The following APCDD1 variants were observed in gnomAD, a reference collection of about 807,000 sequenced individuals.
APCDD1 encodes APC down-regulated 1.
Under a neutral mutation model 38.1 loss-of-function variants are expected in APCDD1, and 15 were observed. The observed-to-expected ratio is 0.39, with a 90% CI of 0.26 to 0.61. The LOEUF (loss-of-function observed/expected upper bound fraction) is 0.61, where lower values mean the gene tolerates loss of function less well. APCDD1 is among the 20% of genes least tolerant of loss of function. The pLI is 0.49. For synonymous variants in APCDD1, 261 were observed against 279.7 expected (o/e 0.93, Z 0.67); for missense variants, 647 against 696.2 (o/e 0.93, Z 0.79).
In APCDD1 at chr18:10,461,343, A is replaced by G. The variant is rs535569062; in HGVS notation, c.58+6304A>G. The stretch of plus-strand genomic sequence containing the variant: ...ACTTTATTCTCTGACATTCATTTGG[A>G]AGAAACTACTCCCTTTGCCATAATA... On this transcript the variant is annotated intron_variant, in intron 1 of 4. Coordinates refer to ENST00000355285, the MANE Select transcript of APCDD1 (RefSeq NM_153000.5). Among the ~76,000 whole-genome samples, 240 of 152,316 alleles carry G rather than the reference A, an allele frequency of 1.6e-3. 10 individuals are homozygous for G. The South Asian group carries it at 0.047, about 30-fold the overall frequency.
chr18:10,479,687 T>C (rs369631476), intron 3 of APCDD1, among the ~76,000 whole-genome samples: 2 of 152,332 alleles, frequency 1.3e-5, no homozygotes, highest in African/African-American at 4.8e-5. Context: ...TCTGACTTTT[T>C]CTCTCCAGGT....
intron 4 of APCDD1, among the ~76,000 whole-genome samples, chr18:10,486,304 T>C (rs567126399): frequency 2.0e-5 from 3 of 152,190 alleles, no homozygotes; most frequent in Middle Eastern, 3.4e-3. Context: ...CAGTAAGATA[T>C]GATCATGCCA....
In APCDD1 at chr18:10,485,556, G is replaced by A; in HGVS notation, c.869G>A (p.Gly290Asp). ...ILPPKADLTI[G>D]LHGEWVSQRC... ...CCCCCAAAGGCAGACCTGACCATCG[G>A]CCTGCACGGGGAGTGGGTGAGCCAG... Residue 290 changes from glycine (G) to aspartate (D), a missense_variant, in exon 4 of 5, where the codon GGC (glycine) becomes GAC (aspartate). Coordinates refer to ENST00000355285, the MANE Select transcript of APCDD1 (RefSeq NM_153000.5). This position sits in a 1 kb window ranked among gnomAD's most constrained non-coding sequence, Gnocchi z 5.8. 6.2e-7 allele frequency: 1 copy of A among 1,614,116 alleles called. No individual in the cohort carries two copies. Among genetic ancestry groups the A allele is most frequent in the Non-Finnish European group, 8.5e-7 (1 of 1,180,036 alleles).
At chr18:10,468,404 G>A (rs2030767813) in intron 1 of APCDD1, 65 bp from the exon 2 acceptor site, 2 of 1,560,758 alleles carry the variant, frequency 1.3e-6, no homozygotes, top group Admixed American at 3.3e-5. Context: ...AGAGGTGGTT[G>A]TTTGGCCTGA....
chr18:10,489,913 C>T lies in APCDD1; in HGVS notation c.*1875C>T, dbSNP rs1438712365. Reference sequence around the variant, plus strand: ...CTCTCAGAAATACAACTGATACTATCTTTAAAAGACGTAATAAAATCATGT... The same window carrying T: ...CTCTCAGAAATACAACTGATACTATTTTTAAAAGACGTAATAAAATCATGT... On this transcript the variant is annotated 3_prime_UTR_variant, in exon 5 of 5. Transcript: ENST00000355285. 1 of 152,120 alleles carries T rather than the reference C, an allele frequency of 6.6e-6. No homozygotes were observed. Among genetic ancestry groups the T allele is most frequent in the Non-Finnish European group, 1.5e-5 (1 of 68,024 alleles). The allele number at this position is 152,120 out of a possible 1,614,324, so 9.4% of individuals were successfully genotyped here. A position where few individuals can be genotyped will look rare whatever the true frequency, so the allele number is the denominator to read the frequency against.
rs755453042 is a variant in APCDD1, at chr18:10,488,031, G to T, written c.1538G>T (p.Arg513Leu). ...CLVPLLHWNI[R>L]R The stretch of plus-strand genomic sequence containing the variant: ...GTCCCTCTGCTGCATTGGAACATCC[G>T]CAGATAGAAGTTTTAGAAAGTTCTA... The change falls in exon 5 of 5, where the codon CGC (arginine) becomes CTC (leucine). Residue 513 changes from arginine to leucine, a missense_variant. By Grantham distance (102) the Arg-to-Leu change is moderately radical. Transcript: ENST00000355285. 3 of 1,613,602 alleles carry T rather than the reference G, an allele frequency of 1.9e-6. No individual in the cohort carries two copies. Among genetic ancestry groups the T allele is most frequent in the Non-Finnish European group, 1.7e-6 (2 of 1,180,038 alleles).
In APCDD1 at chr18:10,471,859, G is replaced by A. The variant is rs114674646; in HGVS notation, c.572G>A (p.Arg191Gln). 6 of 1,614,200 alleles carry A rather than the reference G, an allele frequency of 3.7e-6. No homozygotes were observed. The African/African-American group carries it at 6.7e-5, about 18-fold the overall frequency. ...WVQDVAYDLW[R>Q]EENGCECTKA... ...CAGGACGTGGCCTATGACCTCTGGC[G>A]AGAGGAGAACGGCTGTGAGTGCACC... is the stretch of plus-strand genomic sequence containing the variant. Residue 191 changes from arginine to glutamine, a missense_variant, in exon 3 of 5, where the codon CGA (arginine) becomes CAA (glutamine). Coordinates refer to ENST00000355285, the MANE Select transcript of APCDD1 (RefSeq NM_153000.5). This position sits in a 1 kb window ranked among gnomAD's most constrained non-coding sequence, Gnocchi z 5.5.
chr18:10,478,307 G>T (rs935720056), intron 3 of APCDD1, among the ~76,000 whole-genome samples: 4 of 152,222 alleles, frequency 2.6e-5, no homozygotes, highest in African/African-American at 9.7e-5. Context: ...CTGCATCCTG[G>T]CAGGGATGAC....
In APCDD1 at chr18:10,471,805, G is replaced by A; in HGVS notation, c.518G>A (p.Gly173Asp). Residue 173 changes from glycine (G) to aspartate (D), a missense_variant, in exon 3 of 5, where the codon GGC becomes GAC. Coordinates refer to ENST00000355285, the MANE Select transcript of APCDD1 (RefSeq NM_153000.5). This position sits in a 1 kb window ranked among gnomAD's most constrained non-coding sequence, Gnocchi z 5.5. ...CAGCAGGTGAACCGCACATGCCCGGGCTTCCTCGCAGACGGGGGTCCCTGG... is the reference window on the plus strand; with the variant it reads ...CAGCAGGTGAACCGCACATGCCCGGACTTCCTCGCAGACGGGGGTCCCTGG... ...LGQQVNRTCP[G>D]FLADGGPWVQ... The A allele has an allele frequency of 6.2e-7, 1 of 1,613,688 alleles. No homozygotes were observed. The highest frequency in any genetic ancestry group is 8.5e-7 in the Non-Finnish European group (1 of 1,179,730).
chr18:10,454,685 G>C lies in APCDD1; in HGVS notation c.-297G>C. ...GGTGGCGGCCACTGCAGCTCAGAGC[G>C]GCGCACGCGGCGGCCGGGGCGGGAC... is the stretch of plus-strand genomic sequence containing the variant. On this transcript the variant is annotated 5_prime_UTR_variant, in exon 1 of 5. Coordinates refer to ENST00000355285, the MANE Select transcript of APCDD1 (RefSeq NM_153000.5). 2 of 986,394 alleles carry C rather than the reference G, an allele frequency of 2.0e-6. No individual in the cohort carries two copies. Among genetic ancestry groups the C allele is most frequent in the South Asian group, 9.1e-5 (2 of 21,952 alleles). 61.1% of individuals were successfully genotyped at this position (986,394 alleles called of 1,614,324 possible).
Position 10,487,953 on chromosome 18 carries a change from G to A in APCDD1, c.1460G>A (p.Arg487Gln), listed in dbSNP as rs112875590. The A allele has an allele frequency of 1.8e-4, 284 of 1,613,734 alleles. 1 individual carries two copies. In the Admixed American group the frequency reaches 2.4e-3, roughly 14 times the overall value. Reference sequence around the variant, plus strand: ...GACAGTGGAAGCAGCCTGTATGGCCGGGCCCCTGGGAGGCACACCTGGTCC... The same window carrying A: ...GACAGTGGAAGCAGCCTGTATGGCCAGGCCCCTGGGAGGCACACCTGGTCC... ...AEDSGSSLYG[R>Q]APGRHTWSLL... The change falls in exon 5 of 5, where the codon CGG becomes CAG. Residue 487 changes from arginine to glutamine, a missense_variant. Coordinates refer to ENST00000355285, the MANE Select transcript of APCDD1 (RefSeq NM_153000.5).
rs2030880781 is a variant in APCDD1 at position 10,472,260 on chromosome 18, G to C, written c.774+199G>C. ...GGTGCTTTAGCCAGTCAGGAGACCT[G>C]GGTCTGCCACCAACTTGCTCTGTGA... On this transcript the variant is annotated intron_variant, in intron 3 of 4. Coordinates refer to ENST00000355285, the MANE Select transcript of APCDD1 (RefSeq NM_153000.5). This position sits in a 1 kb window ranked among gnomAD's most constrained non-coding sequence, Gnocchi z 6.6. Among the ~76,000 whole-genome samples the C allele has an allele frequency of 6.6e-6, 1 of 152,060 alleles. No homozygotes were observed. Among genetic ancestry groups the C allele is most frequent in the Admixed American group, 6.5e-5 (1 of 15,276 alleles).
At chr18:10,480,589 A>G (rs190676526) in intron 3 of APCDD1, among the ~76,000 whole-genome samples, 4 of 152,152 alleles carry the variant, frequency 2.6e-5, no homozygotes, top group South Asian at 2.1e-4. Context: ...TGGCTTCTTC[A>G]TGACTGCTAA....
intron 1 of APCDD1, among the ~76,000 whole-genome samples, chr18:10,466,638 A>G (rs1317815517): frequency 6.6e-6 from 1 of 152,000 alleles, no homozygotes; most frequent in Non-Finnish European, 1.5e-5. Flanking sequence ...GGGCAGAATG[A>G]GGGAGGGGGA....
chr18:10,481,093 A>C (rs2031126496), intron 3 of APCDD1, among the ~76,000 whole-genome samples: 1 of 152,228 alleles, frequency 6.6e-6, no homozygotes, highest in African/African-American at 2.4e-5. Flanking sequence ...AACCTTATAC[A>C]TTGCTGATGG....
At chr18:10,484,114 C>T (rs560707809) in intron 3 of APCDD1, among the ~76,000 whole-genome samples, 1 of 152,202 alleles carries the variant, frequency 6.6e-6, no homozygotes, top group African/African-American at 2.4e-5. Context: ...ATAGACCAGG[C>T]AAGAGAGGGT....
At position 10,470,705 on chromosome 18, in the gene APCDD1, C is replaced by T. The variant is rs1393007614; in HGVS notation, c.243-825C>T. 9.9e-5 allele frequency among the ~76,000 whole-genome samples: 15 copies of T among 152,160 alleles called. No homozygotes were observed. The highest frequency in any genetic ancestry group is 9.8e-4 in the Admixed American group (15 of 15,286). ...GGTCATTTGGCCAGGGCTTTAAGTACCTCCCCGTACCCCCATTGCAGCCTC... is the reference window on the plus strand; with the variant it reads ...GGTCATTTGGCCAGGGCTTTAAGTATCTCCCCGTACCCCCATTGCAGCCTC... On this transcript the variant is annotated intron_variant, in intron 2 of 4. Coordinates refer to ENST00000355285, the MANE Select transcript of APCDD1 (RefSeq NM_153000.5). This position sits in a 1 kb window ranked among gnomAD's most constrained non-coding sequence, Gnocchi z 4.1.
chr18:10,470,727 C>T lies in APCDD1; in HGVS notation c.243-803C>T, dbSNP rs2030831485. ...GTACCTCCCCGTACCCCCATTGCAG[C>T]CTCAGCTAGTATATGTGAATGGCTG... On this transcript the variant is annotated intron_variant, in intron 2 of 4. Transcript: ENST00000355285. The surrounding 1 kb of genome is among the most constrained non-coding windows in gnomAD (Gnocchi z 4.1). Among the ~76,000 whole-genome samples, 1 of 152,226 alleles carries T rather than the reference C, an allele frequency of 6.6e-6. No individual in the cohort carries two copies. The highest frequency in any genetic ancestry group is 2.4e-5 in the African/African-American group (1 of 41,452).
chr18:10,479,670 A>G (rs962559327), intron 3 of APCDD1, among the ~76,000 whole-genome samples: 7 of 152,200 alleles, frequency 4.6e-5, no homozygotes, highest in Admixed American at 2.6e-4. Flanking sequence ...TTGGGTTTGT[A>G]AAGTCATCTG....
Sources: allele counts gnomAD v4.1 joint callset (sites outside exome capture counted in the v4.1 genomes callset), GRCh38; gene constraint gnomAD v4.1.1; non-coding constraint Gnocchi (gnomAD v3.1); transcripts MANE v1.5; gene names NCBI Gene and HGNC (gene_info 2026-07-23, HGNC 2026-07-21).